Variants in PRKCZ observed in about 807,000 individuals in gnomAD.
PRKCZ encodes protein kinase C zeta, also known as protein kinase C zeta type.
Under a neutral mutation model 79.5 loss-of-function variants are expected in PRKCZ, and 33 were observed. The ratio of observed to expected loss-of-function variants is 0.41; its 90% CI spans 0.31 to 0.55. The LOEUF is 0.55. Among genes scored for constraint, PRKCZ ranks in the 20% least tolerant of loss-of-function variants. The probability of loss-of-function intolerance (pLI) is 0.19; values close to 1 mark genes in which losing one functional copy is unlikely to be tolerated. For synonymous variants in PRKCZ, 342 were observed against 320.9 expected, an observed-to-expected ratio of 1.07 and a Z score of -0.70; for missense variants, 578 against 813.5, an observed-to-expected ratio of 0.71 and a Z score of 3.52.
chr1:2,085,670 C>T (rs1308198567), intron 4 of PRKCZ, among the ~76,000 whole-genome samples: 3 of 141,620 alleles, frequency 2.1e-5, no homozygotes, highest in Admixed American at 6.9e-5. Flanking sequence ...TCTCAGAGCC[C>T]GTGAGGCACC....
intron 16 of PRKCZ, among the ~76,000 whole-genome samples, chr1:2,176,224 G>A (rs535577012): frequency 1.1e-4 from 16 of 152,280 alleles, no homozygotes; most frequent in Admixed American, 7.8e-4. Context: ...CAGCCCCAGC[G>A]GGCCACGTGA....
intron 4 of PRKCZ, among the ~76,000 whole-genome samples, chr1:2,093,822 C>T (rs1030239708): frequency 2.0e-5 from 3 of 152,196 alleles, no homozygotes; most frequent in African/African-American, 7.2e-5. Context: ...CTTGGAGCTG[C>T]ATCGGGCACA....
At chr1:2,160,363 G>A (rs866611331) in intron 10 of PRKCZ, among the ~76,000 whole-genome samples, 5 of 152,228 alleles carry the variant, frequency 3.3e-5, no homozygotes, top group South Asian at 2.1e-4. Flanking sequence ...GGTCACCAGC[G>A]TCAGGAGGCG....
chr1:2,106,506 T>C (rs1437312978), intron 4 of PRKCZ, among the ~76,000 whole-genome samples: 1,245 of 68,492 alleles, frequency 0.018, 61 homozygotes, highest in East Asian at 0.055. Flanking sequence ...CCAGGCCAGG[T>C]AACTCTCAGC....
chr1:2,059,491 G>C (rs1041535858), intron 3 of PRKCZ, 50 bp from the exon 4 acceptor site: 3 of 1,605,224 alleles, frequency 1.9e-6, no homozygotes, highest in Non-Finnish European at 2.6e-6. Flanking sequence ...TGAGACTGTT[G>C]AGTGGCAGCC....
Position 2,075,029 on chromosome 1 carries a change from G to GC in PRKCZ, c.334+15442dup, listed in dbSNP as rs1662141751. ...TGGCTGCTGGGGAGGCTGGCAGCGCGCCCCTCCCCCAGGTGCGAAGGGACC... is the reference window on the plus strand; with the variant it reads ...TGGCTGCTGGGGAGGCTGGCAGCGCGCCCCCTCCCCCAGGTGCGAAGGGACC... On this transcript the variant is annotated intron_variant, in intron 4 of 17. Transcript: ENST00000378567. The surrounding 1 kb of genome is among the most constrained non-coding windows in gnomAD (Gnocchi z 4.8). 1.3e-5 allele frequency: 2 copies of GC among 152,074 alleles called. No individual in the cohort carries two copies. The highest frequency in any genetic ancestry group is 1.3e-4 in the Admixed American group (2 of 15,272). The allele number at this position is 152,074 out of a possible 1,614,324, so 9.4% of individuals were successfully genotyped here.
chr1:2,070,745 C>T (rs369567812), intron 4 of PRKCZ, among the ~76,000 whole-genome samples: 323 of 25,884 alleles, frequency 0.012, 10 homozygotes, highest in Admixed American at 0.092. Context: ...GTGGGGCTGG[C>T]GGGGGACAGT....
chr1:2,162,608 AATT>A (rs200622172), intron 10 of PRKCZ, among the ~76,000 whole-genome samples: 211 of 151,658 alleles, frequency 1.4e-3, no homozygotes, highest in African/African-American at 4.9e-3. Flanking sequence ...TTCCTTGTCT[AATT>A]ATTATTATTA....
rs1274273239 is a variant in PRKCZ, at chr1:2,185,288, TC to T, written c.*281del. ...CTGCCGAGGGGGCTGTCATGCGGTT[TC>T]CAAGGTGCACATTTTCCACGGAAAC... On this transcript the variant is annotated 3_prime_UTR_variant, in exon 18 of 18. Coordinates refer to ENST00000378567, the MANE Select transcript of PRKCZ (RefSeq NM_002744.6). 4.2e-6 allele frequency: 3 copies of T among 718,148 alleles called. No homozygotes were observed. Among genetic ancestry groups the T allele is most frequent in the Non-Finnish European group, 7.8e-6 (3 of 384,860 alleles). The allele number at this position is 718,148 out of a possible 1,614,324, so 44.5% of individuals were successfully genotyped here.
At chr1:2,142,773 C>T (rs185743052) in intron 5 of PRKCZ, 105 of 153,664 alleles carry the variant, frequency 6.8e-4, no homozygotes, top group African/African-American at 2.0e-3. Context: ...GCTGGTCATC[C>T]GGCCCCACCC....
chr1:2,131,236 A>G (rs1394351933), intron 4 of PRKCZ, among the ~76,000 whole-genome samples: 1 of 152,214 alleles, frequency 6.6e-6, no homozygotes, highest in Admixed American at 6.5e-5. Context: ...GGCACCCGTG[A>G]GCAGGCAGGG....
At chr1:2,113,737 G>A (rs1258056520) in intron 4 of PRKCZ, among the ~76,000 whole-genome samples, 1 of 152,200 alleles carries the variant, frequency 6.6e-6, no homozygotes, top group Non-Finnish European at 1.5e-5. Context: ...GTGGGTGAGA[G>A]TTGGGGCACA....
intron 4 of PRKCZ, among the ~76,000 whole-genome samples, chr1:2,097,392 T>G (rs1205208824): frequency 1.3e-5 from 2 of 152,110 alleles, no homozygotes; most frequent in Non-Finnish European, 2.9e-5. Flanking sequence ...GGTGGAGAAT[T>G]CAGGAGGTGT....
intron 4 of PRKCZ, among the ~76,000 whole-genome samples, chr1:2,121,738 TCACGGC>T: frequency 1.4e-5 from 1 of 71,826 alleles, no homozygotes; most frequent in East Asian, 6.7e-4. Context: ...GTACTTAGGG[TCACGGC>T]GGTGGTTAGG....
At chr1:2,079,144 A>G (rs569939368) in intron 4 of PRKCZ, among the ~76,000 whole-genome samples, 1 of 152,170 alleles carries the variant, frequency 6.6e-6, no homozygotes, top group Non-Finnish European at 1.5e-5. Context: ...GCCCGGCCTG[A>G]AGGTGCCTTT....
intron 5 of PRKCZ, chr1:2,143,860 C>T (rs571400222): frequency 2.2e-4 from 49 of 227,170 alleles, no homozygotes; most frequent in South Asian, 2.0e-3. Flanking sequence ...GGCTGCTCTA[C>T]GCAGAGCGCA....
At chr1:2,120,728 G>A (rs1671719135) in intron 4 of PRKCZ, among the ~76,000 whole-genome samples, 1 of 151,752 alleles carries the variant, frequency 6.6e-6, no homozygotes, top group Non-Finnish European at 1.5e-5. Flanking sequence ...GCTTCAATGT[G>A]GATTTTTTTC....
chr1:2,105,886 G>T (rs1323144692), intron 4 of PRKCZ, among the ~76,000 whole-genome samples: 4 of 152,188 alleles, frequency 2.6e-5, no homozygotes, highest in African/African-American at 9.6e-5. Context: ...TCAGGTCTCA[G>T]GTGGGAGGGG....
chr1:2,139,752 G>T (rs985767735), intron 5 of PRKCZ, among the ~76,000 whole-genome samples: 1 of 152,228 alleles, frequency 6.6e-6, no homozygotes, highest in Non-Finnish European at 1.5e-5. Flanking sequence ...CTCTTCAAAA[G>T]AAATCACCCG....
Sources: gnomAD v4.1 joint callset for allele counts (sites outside exome capture counted in the v4.1 genomes callset) on GRCh38, gnomAD v4.1.1 for gene constraint, Gnocchi (gnomAD v3.1) non-coding constraint, MANE v1.5 for transcripts, NCBI Gene and HGNC (gene_info 2026-07-23, HGNC 2026-07-21) for gene names.